The following COMMD1 variants were observed in gnomAD, a reference collection of about 807,000 sequenced individuals.
COMMD1 encodes the protein copper metabolism domain containing 1.
COMMD1 carries 10 observed loss-of-function variants against 17.2 expected under a neutral mutation model. The observed-to-expected ratio is 0.58, with a 90% CI of 0.36 to 0.99. COMMD1 has a LOEUF of 0.99. Among genes scored for constraint, COMMD1 ranks in the 50% least tolerant of loss-of-function variants. COMMD1 has a pLI of 0.01. For missense variants in COMMD1, 270 were observed against 231.8 expected (o/e 1.17, Z -1.07); for synonymous variants, 97 against 91.6 (o/e 1.06, Z -0.34).
At chr2:61,970,198 C>G (rs1021585907) in intron 1 of COMMD1, among the ~76,000 whole-genome samples, 1 of 148,826 alleles carries the variant, frequency 6.7e-6, no homozygotes, top group Non-Finnish European at 1.5e-5. Context: ...GTGGAGGTCT[C>G]AGTGAGCTGA....
intron 1 of COMMD1, among the ~76,000 whole-genome samples, chr2:61,950,817 T>G (rs944672557): frequency 1.3e-5 from 2 of 151,380 alleles, no homozygotes; most frequent in African/African-American, 4.9e-5. Context: ...CAGGAAGGAG[T>G]GGGAGGGTGC....
At chr2:61,966,129 AT>A (rs1022710574) in intron 1 of COMMD1, among the ~76,000 whole-genome samples, 2 of 152,220 alleles carry the variant, frequency 1.3e-5, no homozygotes, top group African/African-American at 4.8e-5. Flanking sequence ...CTATGGATGT[AT>A]TTAACCAGAG....
chr2:62,034,207 TA>T (rs1669984616), intron 2 of COMMD1, among the ~76,000 whole-genome samples: 1 of 151,876 alleles, frequency 6.6e-6, no homozygotes, highest in Admixed American at 6.6e-5. Flanking sequence ...TTGTTTCCAT[TA>T]ATAGTCACAC....
chr2:62,015,025 G>A (rs1367614058), intron 2 of COMMD1, among the ~76,000 whole-genome samples: 2 of 152,128 alleles, frequency 1.3e-5, no homozygotes, highest in Non-Finnish European at 2.9e-5. Flanking sequence ...CTGGGCTCAA[G>A]CAGTCCTCCT....
chr2:61,932,930 T>G (rs903728650), intron 1 of COMMD1, among the ~76,000 whole-genome samples: 2 of 152,038 alleles, frequency 1.3e-5, no homozygotes, highest in African/African-American at 2.4e-5. Flanking sequence ...CAGTGGAGGG[T>G]CAGAGTGGCA....
chr2:62,019,611 C>T (rs779732587), intron 2 of COMMD1, among the ~76,000 whole-genome samples: 26 of 152,222 alleles, frequency 1.7e-4, no homozygotes, highest in South Asian at 4.2e-4. Context: ...TTTTGGGGGA[C>T]GCATTCAGAC....
chr2:61,933,143 C>T (rs935227383), intron 1 of COMMD1, among the ~76,000 whole-genome samples: 2 of 151,990 alleles, frequency 1.3e-5, no homozygotes, highest in East Asian at 3.9e-4. Flanking sequence ...GGGCCCCTCT[C>T]CAAAGCTGCA....
chr2:62,067,225 CA>C (rs528706499), intron 2 of COMMD1, among the ~76,000 whole-genome samples: 82 of 113,370 alleles, frequency 7.2e-4, no homozygotes, highest in Non-Finnish European at 6.6e-4. Flanking sequence ...AACTCCATCT[CA>C]AAAAAAAAAA....
chr2:61,943,819 AGTGAGACTCT>A (rs1299587495), intron 1 of COMMD1, among the ~76,000 whole-genome samples: 1 of 152,318 alleles, frequency 6.6e-6, no homozygotes, highest in African/African-American at 2.4e-5. Flanking sequence ...TTGGCGTCTC[AGTGAGACTCT>A]GTCTCAAAAA....
chr2:61,916,023 T>G (rs1263619654), intron 1 of COMMD1, among the ~76,000 whole-genome samples: 1 of 152,008 alleles, frequency 6.6e-6, no homozygotes, highest in Non-Finnish European at 1.5e-5. Context: ...CAGGCTGGAG[T>G]GCAGTGGTGT....
At chr2:62,010,438 C>T (rs1393981607) in intron 2 of COMMD1, among the ~76,000 whole-genome samples, 2 of 152,008 alleles carry the variant, frequency 1.3e-5, no homozygotes, top group African/African-American at 2.4e-5. Flanking sequence ...TCATGTAATT[C>T]CTTGCATTTA....
At chr2:61,890,183 C>T (rs1669391507) in intron 1 of COMMD1, among the ~76,000 whole-genome samples, 1 of 152,150 alleles carries the variant, frequency 6.6e-6, no homozygotes, top group African/African-American at 2.4e-5. Context: ...GGTACTTAAT[C>T]TTGTAATTAT....
At chr2:62,096,030 G>A (rs1672000079) in intron 2 of COMMD1, among the ~76,000 whole-genome samples, 1 of 151,110 alleles carries the variant, frequency 6.6e-6, no homozygotes, top group Non-Finnish European at 1.5e-5. Context: ...TATTCAAATA[G>A]TAAGATTCCA....
At chr2:62,055,611 AG>A (rs1012649197) in intron 2 of COMMD1, among the ~76,000 whole-genome samples, 1 of 152,246 alleles carries the variant, frequency 6.6e-6, no homozygotes, top group African/African-American at 2.4e-5. Context: ...GTGAATACAA[AG>A]AACAGAAGCA....
chr2:61,966,121 A>G (rs769570463), intron 1 of COMMD1, among the ~76,000 whole-genome samples: 1 of 152,210 alleles, frequency 6.6e-6, no homozygotes, highest in Non-Finnish European at 1.5e-5. Flanking sequence ...GTTACATGCT[A>G]TGGATGTATT....
At chr2:61,890,289 G>A (rs28710186) in intron 1 of COMMD1, among the ~76,000 whole-genome samples, 1 of 152,070 alleles carries the variant, frequency 6.6e-6, no homozygotes, top group African/African-American at 2.4e-5. Context: ...GCACCATCTC[G>A]GCTCACCGCA....
chr2:61,975,390 T>C lies in COMMD1; in HGVS notation c.181-25311T>C, dbSNP rs149647489. On this transcript the variant is annotated intron_variant, in intron 1 of 2. Transcript: ENST00000311832. ...TTTGGGGAGGTATCAAGGAGAGTGA[T>C]TGCTGGATTTTATGCATATGGCAAG... Among the ~76,000 whole-genome samples, 1,104 of 152,212 alleles carry C rather than the reference T, an allele frequency of 7.3e-3. 16 individuals carry two copies. Among genetic ancestry groups the C allele is most frequent in the African/African-American group, 0.025 (1,040 of 41,544 alleles).
intron 2 of COMMD1, among the ~76,000 whole-genome samples, chr2:62,112,393 T>C (rs971352997): frequency 6.6e-6 from 1 of 152,234 alleles, no homozygotes; most frequent in African/African-American, 2.4e-5. Flanking sequence ...TTCCCTAACA[T>C]GAGAACTTTT....
At chr2:61,889,434 T>G (rs1669361578) in intron 1 of COMMD1, among the ~76,000 whole-genome samples, 1 of 151,734 alleles carries the variant, frequency 6.6e-6, no homozygotes, top group Admixed American at 6.6e-5. Flanking sequence ...TGGTCTGACC[T>G]CCCCGGCTCA....
Sources: gnomAD v4.1 joint callset for allele counts (sites outside exome capture counted in the v4.1 genomes callset) on GRCh38, gnomAD v4.1.1 for gene constraint, MANE v1.5 for transcripts, NCBI Gene and HGNC (gene_info 2026-07-23, HGNC 2026-07-21) for gene names.